Variants in NLGN1 observed in about 807,000 individuals in gnomAD.
NLGN1 encodes the protein neuroligin-1.
NLGN1 carries 12 observed loss-of-function variants against 65.5 expected under a neutral mutation model. The observed-to-expected ratio is 0.18, with a 90% CI of 0.12 to 0.30. NLGN1 has a LOEUF of 0.30. Ranked by LOEUF, NLGN1 falls within the 10% of genes least tolerant of loss-of-function variation. The probability of loss-of-function intolerance (pLI) is 1.00; values close to 1 mark genes in which losing one functional copy is unlikely to be tolerated. For synonymous variants in NLGN1, 350 were observed against 359.5 expected, an observed-to-expected ratio of 0.97 and a Z score of 0.30; for missense variants, 750 against 1,007.1, an observed-to-expected ratio of 0.74 and a Z score of 3.46.
intron 4 of NLGN1, among the ~76,000 whole-genome samples, chr3:173,838,812 T>C (rs1724182136): frequency 6.6e-6 from 1 of 152,164 alleles, no homozygotes; most frequent in South Asian, 2.1e-4. Context: ...ACTCATAGAG[T>C]GAAATTGTCT....
chr3:174,223,817 A>C (rs1316319240), intron 4 of NLGN1, among the ~76,000 whole-genome samples: 1 of 152,208 alleles, frequency 6.6e-6, no homozygotes, highest in Non-Finnish European at 1.5e-5. Flanking sequence ...TAGCATGACC[A>C]AAATTTACCA....
intron 3 of NLGN1, among the ~76,000 whole-genome samples, chr3:173,754,686 G>A (rs143021686): frequency 3.2e-4 from 48 of 152,110 alleles, no homozygotes; most frequent in Non-Finnish European, 5.7e-4. Flanking sequence ...TCACAAATCC[G>A]ACTAATGCAG....
chr3:174,056,386 A>T (rs558612048), intron 4 of NLGN1, among the ~76,000 whole-genome samples: 1 of 152,040 alleles, frequency 6.6e-6, no homozygotes, highest in African/African-American at 2.4e-5. Flanking sequence ...TACTGAAATA[A>T]GTAATTTCTT....
intron 4 of NLGN1, among the ~76,000 whole-genome samples, chr3:174,095,580 A>G (rs1436822506): frequency 6.6e-6 from 1 of 151,914 alleles, no homozygotes; most frequent in African/African-American, 2.4e-5. Flanking sequence ...GTATATGTAC[A>G]TATATAAATG....
At chr3:173,667,239 GCACACA>G (rs3032837) in intron 3 of NLGN1, among the ~76,000 whole-genome samples, 15 of 147,448 alleles carry the variant, frequency 1.0e-4, no homozygotes, top group Admixed American at 2.0e-4. Context: ...ACACGCATAT[GCACACA>G]CACACACACA....
chr3:173,648,480 G>C (rs1293598744), intron 3 of NLGN1, among the ~76,000 whole-genome samples: 1 of 152,178 alleles, frequency 6.6e-6, no homozygotes. Context: ...TTAGTGGAGG[G>C]TGTGAGGAAT....
At chr3:174,168,280 A>G (rs141366606) in intron 4 of NLGN1, among the ~76,000 whole-genome samples, 129 of 152,252 alleles carry the variant, frequency 8.5e-4, no homozygotes, top group East Asian at 6.8e-3. Flanking sequence ...GTGTCACTAC[A>G]TTTAGATTTT....
chr3:174,021,543 T>G (rs1018274472), intron 4 of NLGN1, among the ~76,000 whole-genome samples: 1 of 152,138 alleles, frequency 6.6e-6, no homozygotes, highest in African/African-American at 2.4e-5. Flanking sequence ...CATTTTAATT[T>G]TATTATTCTA....
At chr3:173,569,564 T>G (rs1274666512) in intron 2 of NLGN1, among the ~76,000 whole-genome samples, 1 of 150,834 alleles carries the variant, frequency 6.6e-6, no homozygotes, top group African/African-American at 2.4e-5. Flanking sequence ...TTTCTGAAAA[T>G]ATCTGTTTTC....
chr3:173,806,289 A>G (rs917505349), intron 3 of NLGN1, among the ~76,000 whole-genome samples: 2 of 152,156 alleles, frequency 1.3e-5, no homozygotes, highest in African/African-American at 4.8e-5. Context: ...AGGCATTTAC[A>G]TTACACATTC....
At chr3:174,252,610 T>C (rs963288768) in intron 4 of NLGN1, among the ~76,000 whole-genome samples, 1 of 152,130 alleles carries the variant, frequency 6.6e-6, no homozygotes, top group Non-Finnish European at 1.5e-5. Flanking sequence ...GTTTTCTCAT[T>C]TGAAAAATTA....
rs10662077 is a variant in NLGN1 at position 174,124,602 on chromosome 3, T to C, written c.647-150713T>C. ...ATATATACGTATATATACGTATACA[T>C]ATATACGTATATATACGTATACACA... On this transcript the variant is annotated intron_variant, in intron 4 of 6. Coordinates refer to ENST00000457714, the Ensembl canonical transcript of NLGN1. Among the ~76,000 whole-genome samples the C allele has an allele frequency of 1.1e-3, 97 of 86,350 alleles. 1 individual carries two copies. Among genetic ancestry groups the C allele is most frequent in the East Asian group, 2.2e-3 (8 of 3,616 alleles). The allele number at this position is 86,350 out of a possible 152,430, so 56.6% of individuals were successfully genotyped here.
intron 4 of NLGN1, among the ~76,000 whole-genome samples, chr3:173,847,620 T>G (rs1367268421): frequency 6.6e-6 from 1 of 152,168 alleles, no homozygotes; most frequent in Non-Finnish European, 1.5e-5. Flanking sequence ...ATGTATTGTA[T>G]TATTATTTTG....
intron 4 of NLGN1, among the ~76,000 whole-genome samples, chr3:174,010,966 A>T (rs1486722697): frequency 6.6e-6 from 1 of 152,172 alleles, no homozygotes; most frequent in Non-Finnish European, 1.5e-5. Flanking sequence ...AAAGGAGTTA[A>T]GAGCATCTCT....
intron 4 of NLGN1, among the ~76,000 whole-genome samples, chr3:174,128,018 T>G (rs193114625): frequency 2.6e-5 from 4 of 152,276 alleles, no homozygotes; most frequent in Non-Finnish European, 4.4e-5. Flanking sequence ...TTTCTCAATG[T>G]GTACAAAAGT....
At chr3:173,947,059 AT>A (rs63224363) in intron 4 of NLGN1, among the ~76,000 whole-genome samples, 238 of 134,880 alleles carry the variant, frequency 1.8e-3, no homozygotes, top group African/African-American at 4.9e-3. Context: ...AGTTGTTAGG[AT>A]TTTTTTTTTT....
the NLGN1 span, among the ~76,000 whole-genome samples, chr3:174,292,845 G>T: frequency 6.6e-6 from 1 of 151,230 alleles, no homozygotes; most frequent in Non-Finnish European, 1.5e-5. Flanking sequence ...CCTCAGAAAA[G>T]GCTTGCACCC....
At chr3:173,812,383 T>C (rs906496911) in intron 4 of NLGN1, among the ~76,000 whole-genome samples, 23 of 152,150 alleles carry the variant, frequency 1.5e-4, no homozygotes, top group African/African-American at 5.3e-4. Context: ...AAAATTAGAC[T>C]ATCTATGCCA....
intron 4 of NLGN1, among the ~76,000 whole-genome samples, chr3:174,130,342 C>A (rs1396914994): frequency 4.6e-5 from 7 of 152,130 alleles, no homozygotes; most frequent in African/African-American, 7.2e-5. Flanking sequence ...CCGTTGCACT[C>A]CAGCCTGGGT....
Sources: gnomAD v4.1 joint callset for allele counts (sites outside exome capture counted in the v4.1 genomes callset) on GRCh38, gnomAD v4.1.1 for gene constraint, MANE v1.5 for transcripts, NCBI Gene and HGNC (gene_info 2026-07-23, HGNC 2026-07-21) for gene names.